The following IGF1R variants were observed in gnomAD, a reference collection of about 807,000 sequenced individuals.
IGF1R encodes insulin like growth factor 1 receptor.
IGF1R carries 44 observed loss-of-function variants against 144.6 expected under a neutral mutation model. The observed-to-expected ratio is 0.30, with a 90% CI of 0.24 to 0.39. IGF1R has a LOEUF of 0.39. Among genes scored for constraint, IGF1R ranks in the 10% least tolerant of loss-of-function variants. IGF1R has a pLI of 1.00. For synonymous variants in IGF1R, 795 were observed against 722.8 expected (o/e 1.10, Z -1.60); for missense variants, 1,355 against 1,833.7 (o/e 0.74, Z 4.77).
rs2017347659 is a variant in IGF1R at position 98,964,414 on chromosome 15, A to T, written c.*6972A>T. ...TACTCTGGATTCTTTACATAATGGA[A>T]AAAAGAAACTGTCTATTTTGAATGG... On this transcript the variant is annotated 3_prime_UTR_variant, in exon 21 of 21. Coordinates refer to ENST00000650285, the MANE Select transcript of IGF1R (RefSeq NM_000875.5). 4.4e-6 allele frequency: 1 copy of T among 229,598 alleles called. No individual in the cohort carries two copies. 14.2% of individuals were successfully genotyped at this position (229,598 alleles called of 1,614,324 possible). A position where few individuals can be genotyped will look rare whatever the true frequency, so the allele number is the denominator to read the frequency against.
intron 2 of IGF1R, among the ~76,000 whole-genome samples, chr15:98,809,838 A>G (rs2056546882): frequency 6.6e-6 from 1 of 152,146 alleles, no homozygotes; most frequent in African/African-American, 2.4e-5. Context: ...CCTAGTTGCT[A>G]AAGTCACGTT....
chr15:98,763,748 A>G (rs1361792292), intron 2 of IGF1R, among the ~76,000 whole-genome samples: 2 of 152,160 alleles, frequency 1.3e-5, no homozygotes, highest in South Asian at 2.1e-4. Flanking sequence ...CTTAGACTGG[A>G]AAGTCGTTCA....
intron 1 of IGF1R, among the ~76,000 whole-genome samples, chr15:98,686,656 C>G (rs1051295181): frequency 1.3e-5 from 2 of 150,940 alleles, no homozygotes; most frequent in Non-Finnish European, 2.9e-5. Context: ...TAGCAAATAT[C>G]AATGAAGTAT....
rs1475877753 is a variant in IGF1R at position 98,948,561 on chromosome 15, T to C, written c.3588-13T>C. On this transcript the variant is annotated splice_polypyrimidine_tract_variant and intron_variant, in intron 19 of 20. Coordinates refer to ENST00000650285, the MANE Select transcript of IGF1R (RefSeq NM_000875.5). ...CCCTTTCCAAGCTCCTCACAGTTTT[T>C]TTCTCCCTGTAGGTCCTTCGGGGTC... The C allele has an allele frequency of 6.2e-7, 1 of 1,613,600 alleles. No individual in the cohort carries two copies. The highest frequency in any genetic ancestry group is 8.5e-7 in the Non-Finnish European group (1 of 1,179,924).
chr15:98,924,903 A>T (rs1265854294), intron 13 of IGF1R, among the ~76,000 whole-genome samples: 1 of 151,372 alleles, frequency 6.6e-6, no homozygotes, highest in Non-Finnish European at 1.5e-5. Flanking sequence ...ATGTGGCAGG[A>T]AGGGAGAGGA....
chr15:98,955,202 A>G (rs2016930487), intron 20 of IGF1R, among the ~76,000 whole-genome samples: 1 of 152,182 alleles, frequency 6.6e-6, no homozygotes, highest in Non-Finnish European at 1.5e-5. Flanking sequence ...CCTGGCACCT[A>G]GCGTGCACAT....
At position 98,707,549 on chromosome 15, in the gene IGF1R, T is replaced by C; in HGVS notation, c.95-13T>C. On this transcript the variant is annotated splice_polypyrimidine_tract_variant and intron_variant, in intron 1 of 20. Coordinates refer to ENST00000650285, the MANE Select transcript of IGF1R (RefSeq NM_000875.5). The surrounding 1 kb of genome is among the most constrained non-coding windows in gnomAD (Gnocchi z 6.7). ...CTTCTAACTGAGACGTTTACCCTCTTGTCTCCCTTCAGTCTGCGGGCCAGG... is the reference window on the plus strand; with the variant it reads ...CTTCTAACTGAGACGTTTACCCTCTCGTCTCCCTTCAGTCTGCGGGCCAGG... 6.2e-7 allele frequency: 1 copy of C among 1,613,976 alleles called. No individual in the cohort carries two copies. The highest frequency in any genetic ancestry group is 8.5e-7 in the Non-Finnish European group (1 of 1,179,886).
chr15:98,917,716 A>C (rs1422449288), intron 10 of IGF1R, among the ~76,000 whole-genome samples: 1 of 152,222 alleles, frequency 6.6e-6, no homozygotes, highest in African/African-American at 2.4e-5. Context: ...ATGCCAAGTG[A>C]AACAAGGCCA....
chr15:98,706,657 T>G (rs926614608), intron 1 of IGF1R, among the ~76,000 whole-genome samples: 5 of 152,084 alleles, frequency 3.3e-5, no homozygotes, highest in African/African-American at 1.2e-4. Context: ...AAAATGGTGA[T>G]GTAGAAGGAC....
intron 15 of IGF1R, 41 bp from the exon 16 acceptor site, chr15:98,934,783 G>T: frequency 6.4e-7 from 1 of 1,555,568 alleles, no homozygotes; most frequent in Non-Finnish European, 8.9e-7. Flanking sequence ...CTGTCTAAGG[G>T]CTTGTTTCTG....
Position 98,935,241 on chromosome 15 carries a change from G to T in IGF1R, c.3187-75G>T. Reference sequence around the variant, plus strand: ...TCAGACCAGGCCGCAGCACCACAGAGACAGTTCCAGACAACACAGGCATCA... The same window carrying T: ...TCAGACCAGGCCGCAGCACCACAGATACAGTTCCAGACAACACAGGCATCA... On this transcript the variant is annotated intron_variant, in intron 16 of 20. Transcript: ENST00000650285. This position sits in a 1 kb window ranked among gnomAD's most constrained non-coding sequence, Gnocchi z 4.2. The T allele has an allele frequency of 9.3e-7, 1 of 1,070,120 alleles. No individual in the cohort carries two copies. The highest frequency in any genetic ancestry group is 1.4e-6 in the Non-Finnish European group (1 of 711,316). The allele number at this position is 1,070,120 out of a possible 1,614,324, so 66.3% of individuals were successfully genotyped here.
intron 13 of IGF1R, among the ~76,000 whole-genome samples, chr15:98,925,431 G>A (rs2015675624): frequency 6.6e-6 from 1 of 152,196 alleles, no homozygotes; most frequent in South Asian, 2.1e-4. Context: ...TTGAGTTTCT[G>A]TTATTTCTTA....
At position 98,649,516 on chromosome 15, in the gene IGF1R, TTTTCTTTTC is replaced by T. The variant is rs1395431492; in HGVS notation, c.-62_-54del. The T allele has an allele frequency of 4.0e-6, 4 of 1,002,710 alleles. No homozygotes were observed. The highest frequency in any genetic ancestry group is 2.3e-4 in the Middle Eastern group (1 of 4,394). 62.1% of individuals were successfully genotyped at this position (1,002,710 alleles called of 1,614,324 possible). ...TGTTTCCTTTCATTTCCTTTTTTTC[TTTTCTTTTC>T]TTTTTTTTTTTTTTTTTTTTTTTTG... On this transcript the variant is annotated 5_prime_UTR_variant, in exon 1 of 21. Coordinates refer to ENST00000650285, the MANE Select transcript of IGF1R (RefSeq NM_000875.5).
chr15:98,865,856 A>G (rs1054065333), intron 2 of IGF1R, among the ~76,000 whole-genome samples: 1 of 152,036 alleles, frequency 6.6e-6, no homozygotes, highest in Non-Finnish European at 1.5e-5. Flanking sequence ...ATCTCAGTAC[A>G]CACCCTAGTG....
intron 2 of IGF1R, among the ~76,000 whole-genome samples, chr15:98,882,241 A>G (rs73463638): frequency 0.051 from 7,749 of 152,328 alleles, 341 homozygotes; most frequent in East Asian, 0.15. Flanking sequence ...TCTGACCTGT[A>G]CAAAGCAGCA....
chr15:98,728,020 T>TTTTG (rs1364110135), intron 2 of IGF1R, among the ~76,000 whole-genome samples: 3 of 150,778 alleles, frequency 2.0e-5, no homozygotes, highest in Non-Finnish European at 3.0e-5. Context: ...TTTTTTTTTT[T>TTTTG]TTTTTTTTTA....
At chr15:98,944,196 A>G (rs760563085) in intron 19 of IGF1R, among the ~76,000 whole-genome samples, 5 of 152,212 alleles carry the variant, frequency 3.3e-5, no homozygotes, top group Non-Finnish European at 7.3e-5. Flanking sequence ...ATAATAAAAT[A>G]GAAAACTATA....
chr15:98,891,106 G>A lies in IGF1R; in HGVS notation c.641-219G>A, dbSNP rs1027055166. On this transcript the variant is annotated intron_variant, in intron 2 of 20. Transcript: ENST00000650285. The surrounding 1 kb of genome is among the most constrained non-coding windows in gnomAD (Gnocchi z 4.7). ...CAGACCAAACAAGGAGTTCCTAGGA[G>A]AGACTGAACTTTAAAGATATCGACT... Among the ~76,000 whole-genome samples the A allele has an allele frequency of 6.6e-6, 1 of 152,230 alleles. No individual in the cohort carries two copies. The highest frequency in any genetic ancestry group is 2.4e-5 in the African/African-American group (1 of 41,454).
intron 2 of IGF1R, among the ~76,000 whole-genome samples, chr15:98,821,315 C>A (rs2056798365): frequency 6.7e-6 from 1 of 149,900 alleles, no homozygotes; most frequent in Non-Finnish European, 1.5e-5. Context: ...ATTTTACCAT[C>A]ACTCTCTCTA....
Sources: gnomAD v4.1 joint callset for allele counts (sites outside exome capture counted in the v4.1 genomes callset) on GRCh38, gnomAD v4.1.1 for gene constraint, Gnocchi (gnomAD v3.1) non-coding constraint, MANE v1.5 for transcripts, NCBI Gene and HGNC (gene_info 2026-07-23, HGNC 2026-07-21) for gene names.